Variants in FBN3 observed in about 807,000 individuals in gnomAD.
FBN3 encodes fibrillin 3.
In FBN3, 234 loss-of-function variants were observed where a neutral mutation model predicts 330.1. The ratio of observed to expected loss-of-function variants is 0.71; its 90% CI spans 0.64 to 0.79. The LOEUF is 0.79. FBN3 is among the 30% of genes least tolerant of loss of function. The probability of loss-of-function intolerance (pLI) is 0.00; values close to 1 mark genes in which losing one functional copy is unlikely to be tolerated. For synonymous variants in FBN3, 1,458 were observed against 1,517.3 expected, an observed-to-expected ratio of 0.96 and a Z score of 0.91; for missense variants, 3,606 against 3,886.9, an observed-to-expected ratio of 0.93 and a Z score of 1.92.
In FBN3 at chr19:8,096,818, C is replaced by T. The variant is rs2082219218; in HGVS notation, c.5413+63G>A. 1 of 1,578,292 alleles carries T rather than the reference C, an allele frequency of 6.3e-7. No homozygotes were observed. The highest frequency in any genetic ancestry group is 1.1e-5 in the South Asian group (1 of 89,208). On this transcript the variant is annotated intron_variant, in intron 43 of 63. Transcript: ENST00000600128. This position sits in a 1 kb window ranked among gnomAD's most constrained non-coding sequence, Gnocchi z 4.6. ...GAAAGACCTGGACAGAGCCATACCC[C>T]ATCTAAGTCCCCATGGGTGACAGAG...
intron 26 of FBN3, among the ~76,000 whole-genome samples, 161 bp downstream of exon 26, chr19:8,118,736 G>C (rs116280667): frequency 2.1e-4 from 32 of 151,916 alleles, no homozygotes; most frequent in East Asian, 1.4e-3. Context: ...TACACACACA[G>C]ATACACACAC....
At position 8,118,911 on chromosome 19, in the gene FBN3, C is replaced by T. The variant is rs1362165492; in HGVS notation, c.3323G>A (p.Gly1108Asp). 3 of 1,612,248 alleles carry T rather than the reference C, an allele frequency of 1.9e-6. No homozygotes were observed. The highest frequency in any genetic ancestry group is 2.2e-5 in the East Asian group (1 of 44,844). The change falls in exon 26 of 64, where the codon GGC (glycine) becomes GAC (aspartate). Residue 1108 changes from glycine to aspartate, a missense_variant. Coordinates refer to ENST00000600128, the MANE Select transcript of FBN3 (RefSeq NM_032447.5). The part of the protein sequence containing the change: ...CPPGHELTAK[G>D]TACEDIDECS... ...TGCACACTTACCCTCACAGGCAGTGCCCTTGGCCGTCAGCTCATGCCCAGG... is the reference window on the plus strand; with the variant it reads ...TGCACACTTACCCTCACAGGCAGTGTCCTTGGCCGTCAGCTCATGCCCAGG...
At chr19:8,141,624 G>C in intron 8 of FBN3, 93 bp downstream of exon 8, 2 of 1,441,748 alleles carry the variant, frequency 1.4e-6, no homozygotes, top group Non-Finnish European at 1.9e-6. Context: ...CACCTCACCA[G>C]CCTGACCCCT....
chr19:8,135,080 G>GT (rs1157999337), intron 13 of FBN3, among the ~76,000 whole-genome samples: 1 of 151,678 alleles, frequency 6.6e-6, no homozygotes, highest in African/African-American at 2.4e-5. Flanking sequence ...CTGGGCTCAA[G>GT]TGATCCTCCT....
Position 8,138,403 on chromosome 19 carries a change from C to T in FBN3, c.1018+9G>A, listed in dbSNP as rs202134734. On this transcript the variant is annotated intron_variant, in intron 9 of 63. Transcript: ENST00000600128. Reference sequence around the variant, plus strand: ...ACCCACAGCCCTGCAGGCTGCAGCTCTTACTCACTGGAGCCCCGAGGAGGA... The same window carrying T: ...ACCCACAGCCCTGCAGGCTGCAGCTTTTACTCACTGGAGCCCCGAGGAGGA... The T allele has an allele frequency of 1.2e-5, 20 of 1,610,776 alleles. No homozygotes were observed. The African/African-American group carries it at 2.4e-4, about 19-fold the overall frequency.
Position 8,131,544 on chromosome 19 carries a change from G to A in FBN3, c.1990+10C>T, listed in dbSNP as rs769985257. 19 of 1,597,660 alleles carry A rather than the reference G, an allele frequency of 1.2e-5. No homozygotes were observed. Among genetic ancestry groups the A allele is most frequent in the African/African-American group, 9.4e-5 (7 of 74,734 alleles). On this transcript the variant is annotated intron_variant, in intron 15 of 63. Transcript: ENST00000600128. The surrounding 1 kb of genome is among the most constrained non-coding windows in gnomAD (Gnocchi z 4.5). ...AGGAGGCGATGGGGACCGGGCAGCC[G>A]GATGCTCACCGGAGTCTTTGGCAGG...
intron 56 of FBN3, among the ~76,000 whole-genome samples, chr19:8,083,959 C>T (rs545683531): frequency 7.9e-5 from 12 of 151,984 alleles, no homozygotes; most frequent in East Asian, 3.9e-4. Flanking sequence ...CCTGCCACCA[C>T]GCCCGGCTAA....
At chr19:8,147,737 G>A in intron 1 of FBN3, 1 of 378,396 alleles carries the variant, frequency 2.6e-6, no homozygotes, top group South Asian at 9.5e-5. Context: ...CAAGACGGGA[G>A]TGGGAAGTGG....
intron 59 of FBN3, among the ~76,000 whole-genome samples, chr19:8,079,302 A>G (rs1481122991): frequency 3.9e-5 from 6 of 152,162 alleles, no homozygotes; most frequent in Non-Finnish European, 7.3e-5. Flanking sequence ...CTGTAGTCCC[A>G]AGTACTAGGG....
Position 8,109,717 on chromosome 19 carries a change from T to C in FBN3, c.4370A>G (p.Asn1457Ser), listed in dbSNP as rs200277415. ...NECADPVNCI[N>S]GVCINTPGSY... ...GCCGGGGGTGTTAATGCACACGCCG[T>C]TGATGCAGTTTACTGGGTCTGCACA... The change falls in exon 35 of 64, where the codon AAC becomes AGC. Residue 1457 changes from asparagine to serine, a missense_variant. Coordinates refer to ENST00000600128, the MANE Select transcript of FBN3 (RefSeq NM_032447.5). This position sits in a 1 kb window ranked among gnomAD's most constrained non-coding sequence, Gnocchi z 5.2. The C allele has an allele frequency of 9.7e-4, 1,502 of 1,542,082 alleles. 2 individuals carry two copies. Among genetic ancestry groups the C allele is most frequent in the Non-Finnish European group, 1.2e-3 (1,370 of 1,145,696 alleles).
chr19:8,104,825 G>A (rs1341453836), intron 38 of FBN3, among the ~76,000 whole-genome samples: 1 of 152,054 alleles, frequency 6.6e-6, no homozygotes, highest in Non-Finnish European at 1.5e-5. Flanking sequence ...GGCACTGGCT[G>A]TGCTCCAAGG....
At chr19:8,081,310 T>G in intron 58 of FBN3, 48 bp downstream of exon 58, 1 of 1,567,764 alleles carries the variant, frequency 6.4e-7, no homozygotes, top group Non-Finnish European at 8.6e-7. Flanking sequence ...TTTGGGGCCC[T>G]AGACTGCATG....
chr19:8,085,909 C>G (rs569824442), intron 55 of FBN3, among the ~76,000 whole-genome samples: 1 of 149,598 alleles, frequency 6.7e-6, no homozygotes, highest in Admixed American at 6.7e-5. Flanking sequence ...AGCTCAGCAA[C>G]CCCCTGGGTT....
intron 41 of FBN3, 86 bp from the exon 42 acceptor site, chr19:8,097,500 T>C (rs1342350739): frequency 1.0e-5 from 15 of 1,445,058 alleles, no homozygotes; most frequent in African/African-American, 9.8e-5. Context: ...AGCCCTGCAA[T>C]CTGGTTGAGG....
Position 8,066,063 on chromosome 19 carries a change from C to A in FBN3, c.8286G>T (p.Gln2762His). The A allele has an allele frequency of 6.2e-7, 1 of 1,613,368 alleles. No individual in the cohort carries two copies. The change falls in exon 64 of 64, where the codon CAG (glutamine) becomes CAT (histidine). Residue 2762 changes from glutamine (Q) to histidine (H), a missense_variant. Transcript: ENST00000600128. ...CAGGCCCCGGCCGCCTCCGCCCCAG[C>A]TGCAGGGAGCTGACGCCACGGAGGT... ...MHHLRGVSSL[Q>H]LGRRRPGPGT... is the part of the protein sequence containing the mutation.
At chr19:8,120,061 T>A (rs1338062035) in intron 25 of FBN3, among the ~76,000 whole-genome samples, 4 of 151,866 alleles carry the variant, frequency 2.6e-5, no homozygotes, top group South Asian at 4.2e-4. Context: ...TCTCAAGCAA[T>A]CCTGTCTCAG....
chr19:8,114,892 G>A (rs547967742), intron 30 of FBN3, among the ~76,000 whole-genome samples: 2 of 151,794 alleles, frequency 1.3e-5, no homozygotes, highest in Non-Finnish European at 2.9e-5. Context: ...CTTTTGAGAC[G>A]GGGTCTCACT....
rs543629562 is a variant in FBN3 at position 8,107,143 on chromosome 19, G to A, written c.4688-910C>T. Among the ~76,000 whole-genome samples the A allele has an allele frequency of 5.3e-4, 80 of 149,960 alleles. 1 individual carries two copies. The East Asian group carries it at 0.015, about 28-fold the overall frequency. ...GGGATGGATGGAAGGATGGATGAAT[G>A]GAAGGATGGATGAATGGGTAGATAA... On this transcript the variant is annotated intron_variant, in intron 37 of 63. Coordinates refer to ENST00000600128, the MANE Select transcript of FBN3 (RefSeq NM_032447.5).
chr19:8,122,171 T>G (rs1487253609), intron 24 of FBN3, among the ~76,000 whole-genome samples: 1 of 152,094 alleles, frequency 6.6e-6, no homozygotes, highest in Non-Finnish European at 1.5e-5. Context: ...CTACAGTTAA[T>G]GCAATAATAA....
Sources: gnomAD v4.1 joint callset for allele counts (sites outside exome capture counted in the v4.1 genomes callset) on GRCh38, gnomAD v4.1.1 for gene constraint, Gnocchi (gnomAD v3.1) non-coding constraint, MANE v1.5 for transcripts, NCBI Gene and HGNC (gene_info 2026-07-23, HGNC 2026-07-21) for gene names.